Variants in FAXC observed in about 807,000 individuals in gnomAD.
The protein encoded by FAXC is failed axon connections homolog, metaxin like GST domain containing.
A neutral mutation model predicts 41.9 loss-of-function variants in FAXC; 10 were observed. The observed-to-expected ratio is 0.24, with a 90% CI of 0.15 to 0.41. FAXC has a LOEUF of 0.41. Among genes scored for constraint, FAXC ranks in the 10% least tolerant of loss-of-function variants. FAXC has a pLI of 1.00. For synonymous variants in FAXC, 183 were observed against 183.8 expected (o/e 1.00, Z 0.03); for missense variants, 399 against 510.9 (o/e 0.78, Z 2.11).
intron 1 of FAXC, among the ~76,000 whole-genome samples, chr6:99,346,591 C>T (rs7774658): frequency 0.74 from 109,467 of 148,306 alleles, 40,669 homozygotes; most frequent in South Asian, 0.91. Flanking sequence ...TTTTAGTAGA[C>T]GGGGTTTCAC....
At chr6:99,282,631 A>T (rs2128446677) in intron 5 of FAXC, among the ~76,000 whole-genome samples, 1 of 152,300 alleles carries the variant, frequency 6.6e-6, no homozygotes. Context: ...ATGAAAAAGA[A>T]AGAGGGTGAG....
intron 4 of FAXC, among the ~76,000 whole-genome samples, chr6:99,301,165 CG>C (rs1771690368): frequency 6.6e-6 from 1 of 152,232 alleles, no homozygotes; most frequent in South Asian, 2.1e-4. Context: ...TCTCTAGGCA[CG>C]GATCCCTTAG....
chr6:99,318,442 A>G (rs1772460529), intron 4 of FAXC, among the ~76,000 whole-genome samples: 1 of 152,236 alleles, frequency 6.6e-6, no homozygotes, highest in Non-Finnish European at 1.5e-5. Context: ...TTACAGCAAC[A>G]AGAAGTGAGA....
At chr6:99,336,339 G>T (rs1164292918) in intron 2 of FAXC, among the ~76,000 whole-genome samples, 1 of 151,598 alleles carries the variant, frequency 6.6e-6, no homozygotes, top group Non-Finnish European at 1.5e-5. Context: ...AACTCCTTGT[G>T]ATCCTCCTTC....
At chr6:99,318,804 C>G (rs1470678208) in intron 4 of FAXC, among the ~76,000 whole-genome samples, 1 of 152,172 alleles carries the variant, frequency 6.6e-6, no homozygotes, top group East Asian at 1.9e-4. Context: ...AATCAAAGAG[C>G]TGGTAAGCGG....
chr6:99,297,112 A>G (rs924230533), intron 4 of FAXC, among the ~76,000 whole-genome samples: 2 of 152,208 alleles, frequency 1.3e-5, no homozygotes, highest in Non-Finnish European at 2.9e-5. Context: ...ATAAGCCTTT[A>G]GTGAACTTGA....
intron 4 of FAXC, among the ~76,000 whole-genome samples, chr6:99,321,714 G>A (rs1404982257): frequency 6.6e-6 from 1 of 152,224 alleles, no homozygotes; most frequent in Non-Finnish European, 1.5e-5. Flanking sequence ...AAACTGGGGA[G>A]AAAGCATTGT....
intron 4 of FAXC, among the ~76,000 whole-genome samples, chr6:99,321,016 A>G (rs1772569242): frequency 6.6e-6 from 1 of 152,170 alleles, no homozygotes. Context: ...TTTCTGTTGC[A>G]TTTTTTCCCT....
At position 99,337,239 on chromosome 6, in the gene FAXC, T is replaced by C. The variant is rs149500288; in HGVS notation, c.403-3692A>G. 2.1e-3 allele frequency among the ~76,000 whole-genome samples: 301 copies of C among 144,862 alleles called. 2 individuals are homozygous for C. Among genetic ancestry groups the C allele is most frequent in the African/African-American group, 7.3e-3 (290 of 39,544 alleles). The stretch of plus-strand genomic sequence containing the variant: ...CATGGGGGTGTGCACTGTACTATTC[T>C]TTTGTCTGCAGCTTAGGAAAAAAAA... On this transcript the variant is annotated intron_variant, in intron 2 of 5. Transcript: ENST00000389677.
chr6:99,274,142 G>A lies in FAXC; in HGVS notation c.*7022C>T, dbSNP rs979207369. 1.3e-5 allele frequency: 2 copies of A among 152,116 alleles called. No individual in the cohort carries two copies. The highest frequency in any genetic ancestry group is 6.5e-5 in the Admixed American group (1 of 15,268). The allele number at this position is 152,116 out of a possible 1,614,324, so 9.4% of individuals were successfully genotyped here. ...AAATTCCAAAATTAAAGGAGTAAATGTATCAGGGCCAGACCCTCTAAGCTG... is the reference window on the plus strand; with the variant it reads ...AAATTCCAAAATTAAAGGAGTAAATATATCAGGGCCAGACCCTCTAAGCTG... On this transcript the variant is annotated 3_prime_UTR_variant, in exon 6 of 6. Transcript: ENST00000389677.
chr6:99,329,303 A>C lies in FAXC; in HGVS notation c.599+4048T>G, dbSNP rs959722693. Among the ~76,000 whole-genome samples the C allele has an allele frequency of 7.9e-5, 12 of 152,266 alleles. 1 individual carries two copies. Among genetic ancestry groups the C allele is most frequent in the African/African-American group, 2.9e-4 (12 of 41,480 alleles). On this transcript the variant is annotated intron_variant, in intron 3 of 5. Transcript: ENST00000389677. ...AGAACAGAGGAACAAAACCTGCTCAAAAATGTTTACAGGTGAACAAGAAAA... is the reference window on the plus strand; with the variant it reads ...AGAACAGAGGAACAAAACCTGCTCACAAATGTTTACAGGTGAACAAGAAAA...
At chr6:99,331,021 T>G (rs1773007841) in intron 3 of FAXC, among the ~76,000 whole-genome samples, 2 of 152,196 alleles carry the variant, frequency 1.3e-5, no homozygotes, top group Admixed American at 1.3e-4. Flanking sequence ...AGAAGTTGGC[T>G]AAAGGCTTGA....
At chr6:99,283,032 A>G (rs993445346) in intron 5 of FAXC, among the ~76,000 whole-genome samples, 1 of 152,214 alleles carries the variant, frequency 6.6e-6, no homozygotes, top group African/African-American at 2.4e-5. Context: ...AGTGCACACT[A>G]TGTTATATGG....
Position 99,274,532 on chromosome 6 carries a change from C to G in FAXC, c.*6632G>C, listed in dbSNP as rs537790572. The G allele has an allele frequency of 1.3e-5, 2 of 152,110 alleles. No homozygotes were observed. The highest frequency in any genetic ancestry group is 1.9e-4 in the East Asian group (1 of 5,202). The allele number at this position is 152,110 out of a possible 1,614,324, so 9.4% of individuals were successfully genotyped here. A position where few individuals can be genotyped will look rare whatever the true frequency, so the allele number is the denominator to read the frequency against. On this transcript the variant is annotated 3_prime_UTR_variant, in exon 6 of 6. Coordinates refer to ENST00000389677, the MANE Select transcript of FAXC (RefSeq NM_032511.4). The stretch of plus-strand genomic sequence containing the variant: ...TTTCCAAACTTCACCATGGAAAAAC[C>G]ATCGCTGTCATCAACATTTGAGTTG...
intron 1 of FAXC, among the ~76,000 whole-genome samples, chr6:99,347,754 T>G (rs1287687793): frequency 6.6e-6 from 1 of 152,278 alleles, no homozygotes; most frequent in African/African-American, 2.4e-5. Context: ...TTTAAATTAC[T>G]GCCCAAATGT....
chr6:99,299,429 G>A (rs1771619076), intron 4 of FAXC, among the ~76,000 whole-genome samples: 3 of 152,148 alleles, frequency 2.0e-5, no homozygotes, highest in South Asian at 4.1e-4. Flanking sequence ...ATTTCCCTAT[G>A]AGTCTAAGAC....
intron 5 of FAXC, among the ~76,000 whole-genome samples, chr6:99,288,188 G>GAGTT (rs1321070128): frequency 6.6e-6 from 1 of 152,240 alleles, no homozygotes; most frequent in Non-Finnish European, 1.5e-5. Context: ...TAGAGTCTGT[G>GAGTT]AGTTCTACTG....
intron 4 of FAXC, among the ~76,000 whole-genome samples, chr6:99,310,906 G>A (rs1163316423): frequency 6.6e-6 from 1 of 151,884 alleles, no homozygotes; most frequent in Admixed American, 6.6e-5. Context: ...GTGGAGATGA[G>A]GTGGGCATCT....
intron 3 of FAXC, among the ~76,000 whole-genome samples, chr6:99,332,126 C>T (rs1415275315): frequency 9.9e-5 from 15 of 152,010 alleles, no homozygotes; most frequent in Non-Finnish European, 7.4e-5. Context: ...CTTAGGTCAG[C>T]CCTGGAATAA....
Sources: gnomAD v4.1 joint callset for allele counts (sites outside exome capture counted in the v4.1 genomes callset) on GRCh38, gnomAD v4.1.1 for gene constraint, MANE v1.5 for transcripts, NCBI Gene and HGNC (gene_info 2026-07-23, HGNC 2026-07-21) for gene names.